DOCK5: variants seen among roughly 807,000 people sequenced by gnomAD.
DOCK5 encodes dedicator of cytokinesis protein 5.
A neutral mutation model predicts 251.8 loss-of-function variants in DOCK5; 142 were observed. The ratio of observed to expected loss-of-function variants is 0.56; its 90% CI spans 0.49 to 0.65. The LOEUF is 0.65. Among genes scored for constraint, DOCK5 ranks in the 30% least tolerant of loss-of-function variants. The pLI is 0.00. For missense variants in DOCK5, 2,111 were observed against 2,312.3 expected (o/e 0.91, Z 1.79); for synonymous variants, 842 against 835.5 (o/e 1.01, Z -0.13).
intron 1 of DOCK5, among the ~76,000 whole-genome samples, chr8:25,187,735 A>G (rs1801470164): frequency 1.3e-5 from 2 of 152,146 alleles, no homozygotes; most frequent in South Asian, 2.1e-4. Flanking sequence ...TAGCTCTCCA[A>G]TGCAGACCAA....
At chr8:25,291,682 CAAA>C (rs5890216) in intron 5 of DOCK5, among the ~76,000 whole-genome samples, 1 of 118,318 alleles carries the variant, frequency 8.5e-6, no homozygotes. Context: ...GACTCCGTCT[CAAA>C]AAAAAAAAAA....
At chr8:25,258,706 A>G (rs1384047191) in intron 2 of DOCK5, among the ~76,000 whole-genome samples, 1 of 152,178 alleles carries the variant, frequency 6.6e-6, no homozygotes, top group African/African-American at 2.4e-5. Context: ...AGTCTATTCT[A>G]TACCTAGCCA....
intron 31 of DOCK5, 116 bp downstream of exon 31, chr8:25,367,086 G>T (rs1800789690): frequency 1.1e-6 from 1 of 895,952 alleles, no homozygotes; most frequent in South Asian, 1.5e-5. Context: ...TGTTGTTAGT[G>T]AGGTAAGTCT....
intron 29 of DOCK5, 70 bp from the exon 30 acceptor site, chr8:25,364,556 T>A (rs950917789): frequency 8.4e-7 from 1 of 1,186,188 alleles, no homozygotes; most frequent in Non-Finnish European, 1.2e-6. Context: ...GGTTTAGTTC[T>A]TAATATAGGT....
rs1426795420 is a variant in DOCK5, at chr8:25,336,271, C to A, written c.2225C>A (p.Ala742Asp). The A allele has an allele frequency of 6.2e-7, 1 of 1,613,830 alleles. No homozygotes were observed. Residue 742 changes from alanine (A) to aspartate (D), a missense_variant, in exon 22 of 52, where the codon GCT (alanine) becomes GAT (aspartate). Physicochemically the swap from Ala to Asp is moderately radical, Grantham distance 126. Around this residue, in one of 3 missense-constraint regions of DOCK5, gnomAD observed 1,717 missense variants for 1,892.4 expected, o/e 0.91. Transcript: ENST00000276440. ...TCCAAGGTACTGAACTTCTATGTGG[C>A]TAATGCAGATGACTCCAGCAAGACT... ...KLSKVLNFYV[A>D]NADDSSKTEL...
intron 18 of DOCK5, among the ~76,000 whole-genome samples, chr8:25,331,270 C>T (rs376316555): frequency 6.8e-5 from 10 of 146,586 alleles, no homozygotes; most frequent in Admixed American, 1.4e-4. Flanking sequence ...CACACACACA[C>T]ATATATGTGT....
chr8:25,323,254 G>A (rs1373431626), intron 16 of DOCK5, among the ~76,000 whole-genome samples: 2 of 152,188 alleles, frequency 1.3e-5, no homozygotes, highest in Admixed American at 6.5e-5. Context: ...TGGGGAGGAA[G>A]GGTAAAGAAA....
chr8:25,230,647 T>C (rs1802645568), intron 1 of DOCK5, among the ~76,000 whole-genome samples: 1 of 151,928 alleles, frequency 6.6e-6, no homozygotes, highest in African/African-American at 2.4e-5. Flanking sequence ...GCCCAGGAGT[T>C]TGAGACCAGC....
chr8:25,199,100 T>G (rs1801805846), intron 1 of DOCK5, among the ~76,000 whole-genome samples: 1 of 152,166 alleles, frequency 6.6e-6, no homozygotes, highest in South Asian at 2.1e-4. Flanking sequence ...GGTATTGACA[T>G]GACATCAGTT....
intron 1 of DOCK5, among the ~76,000 whole-genome samples, chr8:25,206,066 A>C (rs926980541): frequency 6.6e-6 from 1 of 152,144 alleles, no homozygotes; most frequent in Non-Finnish European, 1.5e-5. Context: ...AGATTATTCT[A>C]ATTGAGGGAG....
chr8:25,276,158 T>A (rs184338756), intron 4 of DOCK5, among the ~76,000 whole-genome samples: 8 of 152,268 alleles, frequency 5.3e-5, no homozygotes, highest in African/African-American at 1.9e-4. Flanking sequence ...AGAGAGATGA[T>A]TAAGCAACAG....
In DOCK5 at chr8:25,375,692, A is replaced by G. The variant is rs191087376; in HGVS notation, c.3816+1038A>G. Reference sequence around the variant, plus strand: ...TTTTACAGTTTATATTTTATACTAAAGTAATATATGGGCATTGTCCGAACA... The same window carrying G: ...TTTTACAGTTTATATTTTATACTAAGGTAATATATGGGCATTGTCCGAACA... On this transcript the variant is annotated intron_variant, in intron 37 of 51. Transcript: ENST00000276440. 43 of 983,776 alleles carry G rather than the reference A, an allele frequency of 4.4e-5. No homozygotes were observed. The African/African-American group carries it at 6.8e-4, about 16-fold the overall frequency. The allele number at this position is 983,776 out of a possible 1,614,324, so 60.9% of individuals were successfully genotyped here.
chr8:25,226,275 T>C lies in DOCK5; in HGVS notation c.44-17399T>C, dbSNP rs1477018723. Among the ~76,000 whole-genome samples the C allele has an allele frequency of 6.3e-5, 9 of 142,396 alleles. No individual in the cohort carries two copies. In the East Asian group the frequency reaches 1.8e-3, roughly 28 times the overall value. The allele number at this position is 142,396 out of a possible 152,430, so 93.4% of individuals were successfully genotyped here. ...ATAGGCTGCTTTTTTTTTTTTTTTT[T>C]TTTTTGGACAGAGTCTCACTCTGTC... is the stretch of plus-strand genomic sequence containing the variant. On this transcript the variant is annotated intron_variant, in intron 1 of 51. Transcript: ENST00000276440.
At chr8:25,352,202 T>A in intron 27 of DOCK5, among the ~76,000 whole-genome samples, 1 of 117,658 alleles carries the variant, frequency 8.5e-6, no homozygotes, top group Non-Finnish European at 1.6e-5. Flanking sequence ...AACAGAGCAA[T>A]AGCCTGCCTT....
At chr8:25,219,309 C>T (rs372428659) in intron 1 of DOCK5, among the ~76,000 whole-genome samples, 3 of 152,146 alleles carry the variant, frequency 2.0e-5, no homozygotes, top group Admixed American at 1.3e-4. Context: ...TCCAATATAT[C>T]CCCTCTGATA....
At chr8:25,279,657 A>T (rs1804137621) in intron 5 of DOCK5, among the ~76,000 whole-genome samples, 1 of 151,862 alleles carries the variant, frequency 6.6e-6, no homozygotes, top group African/African-American at 2.4e-5. Context: ...TCGCTCTGTC[A>T]CTCAGGCTGG....
chr8:25,272,332 A>G (rs562594197), intron 3 of DOCK5, among the ~76,000 whole-genome samples: 2 of 152,300 alleles, frequency 1.3e-5, no homozygotes, highest in Admixed American at 6.5e-5. Flanking sequence ...CCTTGCCTCA[A>G]ATATTCTCCT....
intron 18 of DOCK5, among the ~76,000 whole-genome samples, chr8:25,327,807 G>A (rs1398766938): frequency 6.6e-6 from 1 of 152,158 alleles, no homozygotes; most frequent in East Asian, 1.9e-4. Flanking sequence ...AAGTTCAAGA[G>A]ATCTGTTATA....
chr8:25,345,399 A>T (rs2468901), intron 25 of DOCK5, 76 bp from the exon 26 acceptor site: 1 of 1,577,768 alleles, frequency 6.3e-7, no homozygotes, highest in Non-Finnish European at 8.6e-7. Context: ...CTGGTCGAGG[A>T]AGAGTTGCAG....
Sources: allele counts gnomAD v4.1 joint callset (sites outside exome capture counted in the v4.1 genomes callset), GRCh38; gene constraint gnomAD v4.1.1; regional missense constraint gnomAD v4.1.1; transcripts MANE v1.5; gene names NCBI Gene and HGNC (gene_info 2026-07-23, HGNC 2026-07-21).